Variants in ARL6IP5 observed in about 807,000 individuals in gnomAD.
ARL6IP5 encodes the protein PRA1 family protein 3.
A neutral mutation model predicts 13.0 loss-of-function variants in ARL6IP5; 6 were observed. The observed-to-expected ratio is 0.46, with a 90% CI of 0.25 to 0.91. The LOEUF is 0.91. Ranked by LOEUF, ARL6IP5 falls within the 40% of genes least tolerant of loss-of-function variation. ARL6IP5 has a pLI of 0.17. For synonymous variants in ARL6IP5, 91 were observed against 91.9 expected (o/e 0.99, Z 0.06); for missense variants, 208 against 248.8 (o/e 0.84, Z 1.10).
At chr3:69,085,266 C>T in intron 1 of ARL6IP5, 43 bp downstream of exon 1, 2 of 1,580,466 alleles carry the variant, frequency 1.3e-6, no homozygotes, top group Non-Finnish European at 1.7e-6. Context: ...CCGGGGCGAG[C>T]ACGGAGGGGC....
intron 1 of ARL6IP5, among the ~76,000 whole-genome samples, chr3:69,098,370 AGTAGCTGAGATTACAG>A (rs2092293809): frequency 6.6e-6 from 1 of 151,216 alleles, no homozygotes; most frequent in African/African-American, 2.4e-5. Flanking sequence ...TCAGCCTCCG[AGTAGCTGAGATTACAG>A]GCTCCCGCCA....
chr3:69,100,655 C>T (rs1001205103), intron 1 of ARL6IP5, among the ~76,000 whole-genome samples: 8 of 151,940 alleles, frequency 5.3e-5, no homozygotes, highest in Non-Finnish European at 1.0e-4. Flanking sequence ...GTGGCATGTA[C>T]CTGTAATCCC....
At position 69,092,766 on chromosome 3, in the gene ARL6IP5, C is replaced by A. The variant is rs182703309; in HGVS notation, c.176+7543C>A. ...AACTCCTAGCCTCAAGTTATCCCCCCACCTCAGCCTCCCAAAGTGCTGGGA... is the reference window on the plus strand; with the variant it reads ...AACTCCTAGCCTCAAGTTATCCCCCAACCTCAGCCTCCCAAAGTGCTGGGA... On this transcript the variant is annotated intron_variant, in intron 1 of 2. Transcript: ENST00000273258. 3.2e-3 allele frequency among the ~76,000 whole-genome samples: 490 copies of A among 151,780 alleles called. 2 individuals are homozygous for A. Among genetic ancestry groups the A allele is most frequent in the African/African-American group, 0.011 (468 of 41,364 alleles).
At chr3:69,100,641 C>T (rs1422317301) in intron 1 of ARL6IP5, among the ~76,000 whole-genome samples, 1 of 151,828 alleles carries the variant, frequency 6.6e-6, no homozygotes, top group African/African-American at 2.4e-5. Context: ...ATTAGCTGGG[C>T]GTGGTGGCAT....
intron 1 of ARL6IP5, among the ~76,000 whole-genome samples, chr3:69,093,579 A>G (rs1252702638): frequency 6.6e-6 from 1 of 152,066 alleles, no homozygotes; most frequent in Non-Finnish European, 1.5e-5. Flanking sequence ...CCTGGCCAAC[A>G]TGGTGAAACA....
At chr3:69,097,865 T>C (rs1277245919) in intron 1 of ARL6IP5, among the ~76,000 whole-genome samples, 7 of 152,000 alleles carry the variant, frequency 4.6e-5, no homozygotes, top group South Asian at 2.1e-4. Context: ...AGGATTTGGA[T>C]TGGAGAAGGA....
chr3:69,101,316 C>CTTTTTTTTTTTTTTTTTTTT (rs549402201), intron 1 of ARL6IP5, among the ~76,000 whole-genome samples: 10 of 119,444 alleles, frequency 8.4e-5, no homozygotes, highest in East Asian at 3.4e-4. Context: ...TCAGCTCCAC[C>CTTTTTTTTTTTTTTTTTTTT]TTTTTTTTTT....
At chr3:69,089,311 A>G (rs1298060442) in intron 1 of ARL6IP5, among the ~76,000 whole-genome samples, 2 of 152,084 alleles carry the variant, frequency 1.3e-5, no homozygotes, top group Non-Finnish European at 2.9e-5. Flanking sequence ...AGAAATACTG[A>G]TCCTCTTGAA....
intron 1 of ARL6IP5, among the ~76,000 whole-genome samples, chr3:69,101,541 G>A (rs1401190645): frequency 1.3e-5 from 2 of 151,566 alleles, no homozygotes; most frequent in African/African-American, 4.9e-5. Flanking sequence ...GGTTGGTCTT[G>A]AACCCCTGGG....
chr3:69,105,258 G>A lies in ARL6IP5; in HGVS notation c.*622G>A, dbSNP rs2092319167. On this transcript the variant is annotated 3_prime_UTR_variant, in exon 3 of 3. Coordinates refer to ENST00000273258, the MANE Select transcript of ARL6IP5 (RefSeq NM_006407.4). ...ATTTTTGTAAATTTTTGAAATGCTAGTAATGTGTTTTCACCAGCAAGTATT... is the reference window on the plus strand; with the variant it reads ...ATTTTTGTAAATTTTTGAAATGCTAATAATGTGTTTTCACCAGCAAGTATT... 1 of 194,210 alleles carries A rather than the reference G, an allele frequency of 5.1e-6. No homozygotes were observed. Among genetic ancestry groups the A allele is most frequent in the African/African-American group, 2.4e-5 (1 of 42,134 alleles). The allele number at this position is 194,210 out of a possible 1,614,324, so 12.0% of individuals were successfully genotyped here.
rs1197723938 is a variant in ARL6IP5, at chr3:69,104,619, A to G, written c.550A>G (p.Ser184Gly). 1.9e-6 allele frequency: 3 copies of G among 1,613,476 alleles called. No individual in the cohort carries two copies. In the South Asian group the frequency reaches 3.3e-5, roughly 18 times the overall value. Residue 184 changes from serine (S) to glycine (G), a missense_variant, in exon 3 of 3, where the codon AGC (serine) becomes GGC (glycine). By Grantham distance (56) the Ser-to-Gly change is moderately conservative. Transcript: ENST00000273258. ...EGINRLTDYISKVKE is the reference protein window; with the variant it reads ...EGINRLTDYIGKVKE Reference sequence around the variant, plus strand: ...CATCAACAGACTCACTGACTATATCAGCAAAGTGAAGGAATAAACATAACT... The same window carrying G: ...CATCAACAGACTCACTGACTATATCGGCAAAGTGAAGGAATAAACATAACT...
In ARL6IP5 at chr3:69,103,052, G is replaced by T. The variant is rs191112419; in HGVS notation, c.394+996G>T. Among the ~76,000 whole-genome samples the T allele has an allele frequency of 1.9e-3, 282 of 152,296 alleles. 1 individual carries two copies. Among genetic ancestry groups the T allele is most frequent in the African/African-American group, 6.3e-3 (263 of 41,568 alleles). The stretch of plus-strand genomic sequence containing the variant: ...GACATGTGCACTTATTCCACTAAAT[G>T]AAATTATTTGCTTGTTTAGGGCTTT... On this transcript the variant is annotated intron_variant, in intron 2 of 2. Transcript: ENST00000273258.
At chr3:69,104,213 C>T (rs1309272662) in intron 2 of ARL6IP5, among the ~76,000 whole-genome samples, 4 of 152,126 alleles carry the variant, frequency 2.6e-5, no homozygotes, top group African/African-American at 9.7e-5. Flanking sequence ...AAGGGTGTGG[C>T]TTCCAGATAA....
chr3:69,091,726 C>T (rs1258603021), intron 1 of ARL6IP5, among the ~76,000 whole-genome samples: 2 of 148,564 alleles, frequency 1.3e-5, no homozygotes, highest in African/African-American at 5.0e-5. Flanking sequence ...GTTTCCTTTC[C>T]CTAGGTAAGG....
intron 1 of ARL6IP5, among the ~76,000 whole-genome samples, chr3:69,101,376 G>A (rs1009991121): frequency 1.4e-5 from 2 of 144,774 alleles, no homozygotes; most frequent in African/African-American, 2.6e-5. Flanking sequence ...AGCCAGGAGT[G>A]CAGTGGGGGA....
At chr3:69,089,875 A>G (rs2092259625) in intron 1 of ARL6IP5, 1 of 456,440 alleles carries the variant, frequency 2.2e-6, no homozygotes, top group African/African-American at 2.0e-5. Flanking sequence ...ACTCCTCACC[A>G]TGTGGCCTGA....
intron 1 of ARL6IP5, among the ~76,000 whole-genome samples, chr3:69,088,248 G>A (rs374024612): frequency 2.2e-4 from 34 of 152,244 alleles, no homozygotes; most frequent in African/African-American, 8.2e-4. Context: ...ATCCTCTTTC[G>A]GTGATGCTAG....
chr3:69,102,877 C>CTAAG (rs1559655362), intron 2 of ARL6IP5, among the ~76,000 whole-genome samples: 2 of 152,122 alleles, frequency 1.3e-5, no homozygotes, highest in Non-Finnish European at 1.5e-5. Flanking sequence ...TAGATATTCT[C>CTAAG]TAAGTTTTAC....
At chr3:69,102,991 G>A (rs1347562302) in intron 2 of ARL6IP5, among the ~76,000 whole-genome samples, 2 of 152,222 alleles carry the variant, frequency 1.3e-5, no homozygotes, top group African/African-American at 4.8e-5. Flanking sequence ...AGTATATTAA[G>A]TGACAGGCAC....
Sources: gnomAD v4.1 joint callset for allele counts (sites outside exome capture counted in the v4.1 genomes callset) on GRCh38, gnomAD v4.1.1 for gene constraint, MANE v1.5 for transcripts, NCBI Gene and HGNC (gene_info 2026-07-23, HGNC 2026-07-21) for gene names.